The following FRYL variants were observed in gnomAD, a reference collection of about 807,000 sequenced individuals.
FRYL encodes the protein FRY like transcription coactivator, also known as protein furry homolog-like.
In FRYL, 150 loss-of-function variants were observed where a neutral mutation model predicts 351.2. The ratio of observed to expected loss-of-function variants is 0.43; its 90% CI spans 0.37 to 0.49. The LOEUF is 0.49. Among genes scored for constraint, FRYL ranks in the 20% least tolerant of loss-of-function variants. The probability of loss-of-function intolerance (pLI) is 0.00; values close to 1 mark genes in which losing one functional copy is unlikely to be tolerated. For synonymous variants in FRYL, 1,153 were observed against 1,257.1 expected (o/e 0.92, Z 1.75); for missense variants, 3,036 against 3,619.3 (o/e 0.84, Z 4.13).
Position 48,634,408 on chromosome 4 carries a change from CATG to C in FRYL, c.-1_2del. Reference sequence around the variant, plus strand: ...CATCTGGGTCAATCGTAATGTTTGACATGATGATATTTTTTTTTCCCCAAGTGG... The same window carrying C: ...CATCTGGGTCAATCGTAATGTTTGACATGATATTTTTTTTTCCCCAAGTGG... On this transcript the variant is annotated start_lost and start_retained_variant and 5_prime_UTR_variant, in exon 4 of 64. Coordinates refer to ENST00000358350, the MANE Select transcript of FRYL (RefSeq NM_015030.2). 1 of 1,612,902 alleles carries C rather than the reference CATG, an allele frequency of 6.2e-7. No individual in the cohort carries two copies. Among genetic ancestry groups the C allele is most frequent in the Non-Finnish European group, 8.5e-7 (1 of 1,179,170 alleles).
chr4:48,766,918 A>T (rs997344210), intron 1 of FRYL, among the ~76,000 whole-genome samples: 3 of 150,312 alleles, frequency 2.0e-5, no homozygotes, highest in Admixed American at 2.0e-4. Flanking sequence ...TAATGTTTTC[A>T]ATTCATTAAA....
At chr4:48,593,790 A>G (rs1307591170) in intron 16 of FRYL, 140 bp downstream of exon 16, 1 of 459,572 alleles carries the variant, frequency 2.2e-6, no homozygotes. Context: ...CAGCTATTAG[A>G]AAGGTTAAGT....
At chr4:48,595,293 G>T (rs1744375061) in intron 15 of FRYL, among the ~76,000 whole-genome samples, 1 of 152,136 alleles carries the variant, frequency 6.6e-6, no homozygotes, top group Admixed American at 6.5e-5. Flanking sequence ...CAGTACCTAA[G>T]AATCTAGATT....
At chr4:48,641,453 A>G (rs1755302074) in intron 3 of FRYL, among the ~76,000 whole-genome samples, 2 of 152,170 alleles carry the variant, frequency 1.3e-5, no homozygotes, top group Admixed American at 1.3e-4. Flanking sequence ...TCTCTTAAAA[A>G]CAAAAGAAAA....
chr4:48,715,627 T>C (rs1259907954), intron 1 of FRYL, among the ~76,000 whole-genome samples: 54 of 151,690 alleles, frequency 3.6e-4, no homozygotes, highest in African/African-American at 1.2e-3. Context: ...TAAAAGAGGA[T>C]ACAAACAAAT....
intron 21 of FRYL, 117 bp downstream of exon 21, chr4:48,581,303 G>T: frequency 1.2e-6 from 1 of 812,470 alleles, no homozygotes; most frequent in Non-Finnish European, 1.9e-6. Context: ...TCCCAATTGA[G>T]AACGGTAGGT....
intron 1 of FRYL, among the ~76,000 whole-genome samples, chr4:48,711,559 G>A (rs1338476726): frequency 7.2e-4 from 86 of 119,478 alleles, no homozygotes; most frequent in Middle Eastern, 4.2e-3. Context: ...CAAAGCAGCC[G>A]GGAAGCTCGA....
At chr4:48,509,525 TTTTG>T (rs1204269344) in intron 59 of FRYL, among the ~76,000 whole-genome samples, 1 of 152,174 alleles carries the variant, frequency 6.6e-6, no homozygotes, top group Non-Finnish European at 1.5e-5. Context: ...AGAAATTATT[TTTTG>T]TTCTTCTGTC....
At chr4:48,730,182 G>GA (rs1000955516) in intron 1 of FRYL, among the ~76,000 whole-genome samples, 2 of 151,920 alleles carry the variant, frequency 1.3e-5, no homozygotes, top group African/African-American at 4.8e-5. Flanking sequence ...CAAAATTAGA[G>GA]AAAAAAAGAG....
intron 4 of FRYL, among the ~76,000 whole-genome samples, chr4:48,629,176 T>C (rs779912926): frequency 6.6e-6 from 1 of 152,058 alleles, no homozygotes; most frequent in African/African-American, 2.4e-5. Flanking sequence ...AACAGCAATA[T>C]GTAGCTTCAG....
At chr4:48,696,848 C>A (rs1252571430) in intron 2 of FRYL, among the ~76,000 whole-genome samples, 1 of 38,656 alleles carries the variant, frequency 2.6e-5, no homozygotes, top group East Asian at 5.9e-4. Context: ...GATAAGAGAT[C>A]TATCTATCTA....
intron 17 of FRYL, among the ~76,000 whole-genome samples, 197 bp from the exon 18 acceptor site, chr4:48,590,074 G>A (rs994833133): frequency 6.6e-6 from 1 of 152,158 alleles, no homozygotes; most frequent in Admixed American, 6.5e-5. Context: ...TGAAAATTAT[G>A]CAGAGGACTA....
intron 3 of FRYL, among the ~76,000 whole-genome samples, chr4:48,661,714 T>C (rs192328300): frequency 2.6e-5 from 4 of 152,340 alleles, no homozygotes; most frequent in Admixed American, 6.5e-5. Context: ...AATTGAAATG[T>C]ATTAAATGTG....
chr4:48,634,803 T>C (rs1753910047), intron 3 of FRYL, among the ~76,000 whole-genome samples: 2 of 152,124 alleles, frequency 1.3e-5, no homozygotes, highest in Non-Finnish European at 2.9e-5. Context: ...TAGCATAGAT[T>C]AGGTGCACAG....
At chr4:48,689,703 T>A (rs1765503581) in intron 2 of FRYL, among the ~76,000 whole-genome samples, 1 of 152,180 alleles carries the variant, frequency 6.6e-6, no homozygotes, top group African/African-American at 2.4e-5. Flanking sequence ...CTTAAGCCTT[T>A]TGGAGTTACT....
Position 48,515,067 on chromosome 4 carries a change from C to G in FRYL, c.7898G>C (p.Arg2633Thr), listed in dbSNP as rs78681393. 323 of 1,613,886 alleles carry G rather than the reference C, an allele frequency of 2.0e-4. No individual in the cohort carries two copies. The East Asian group carries it at 6.4e-3, about 32-fold the overall frequency. Residue 2633 changes from arginine to threonine, a missense_variant, in exon 56 of 64, where the codon AGA (arginine) becomes ACA (threonine). Physicochemically the swap from Arg to Thr is moderately conservative, Grantham distance 71 (BLOSUM62 -1). Transcript: ENST00000358350. ...VTLALKELDE[R>T]CEEEEADFSG... ...GAAATCCGCTTCTTCTTCTTCACATCTTTCATCTAGCTCTTTCAGAGCTAA... is the reference window on the plus strand; with the variant it reads ...GAAATCCGCTTCTTCTTCTTCACATGTTTCATCTAGCTCTTTCAGAGCTAA...
chr4:48,533,955 G>A lies in FRYL; in HGVS notation c.6705+590C>T, dbSNP rs142887074. ...AAGAAAGAACAATGAGGCCAGGCAC[G>A]GTGGCTCACGCCTGTAATCCCAGCA... On this transcript the variant is annotated intron_variant, in intron 49 of 63. Coordinates refer to ENST00000358350, the MANE Select transcript of FRYL (RefSeq NM_015030.2). Among the ~76,000 whole-genome samples the A allele has an allele frequency of 8.5e-5, 13 of 152,272 alleles. 1 individual carries two copies. In the South Asian group the frequency reaches 1.2e-3, roughly 15 times the overall value.
chr4:48,713,338 G>A (rs1205708719), intron 1 of FRYL, among the ~76,000 whole-genome samples: 2 of 152,114 alleles, frequency 1.3e-5, no homozygotes, highest in Non-Finnish European at 2.9e-5. Flanking sequence ...ATTGCATAAA[G>A]AGTCACGACC....
At chr4:48,538,873 C>G (rs184225322) in intron 47 of FRYL, among the ~76,000 whole-genome samples, 65 of 151,522 alleles carry the variant, frequency 4.3e-4, no homozygotes, top group African/African-American at 1.4e-3. Context: ...GTCTGAAAAG[C>G]CTTTTTTCCT....
Sources: allele counts gnomAD v4.1 joint callset (sites outside exome capture counted in the v4.1 genomes callset), GRCh38; gene constraint gnomAD v4.1.1; transcripts MANE v1.5; gene names NCBI Gene and HGNC (gene_info 2026-07-23, HGNC 2026-07-21).